RB1: variants seen among roughly 807,000 people sequenced by gnomAD.
The protein encoded by RB1 is RB transcriptional corepressor 1.
In RB1, 18 loss-of-function variants were observed where a neutral mutation model predicts 135.4. The observed-to-expected ratio is 0.13, with a 90% CI of 0.09 to 0.20. The LOEUF (loss-of-function observed/expected upper bound fraction) is 0.20. Among genes scored for constraint, RB1 ranks in the 10% least tolerant of loss-of-function variants. The pLI, the probability that RB1 is intolerant of heterozygous loss-of-function variation, is 1.00. For synonymous variants in RB1, 365 were observed against 373.2 expected, an observed-to-expected ratio of 0.98 and a Z score of 0.25; for missense variants, 868 against 1,110.0, an observed-to-expected ratio of 0.78 and a Z score of 3.10.
chr13:48,375,550 A>G (rs1593453094), intron 12 of RB1, among the ~76,000 whole-genome samples: 2 of 150,500 alleles, frequency 1.3e-5, no homozygotes, highest in East Asian at 3.9e-4. Flanking sequence ...TGCACATTAC[A>G]ATGAAAATTA....
intron 11 of RB1, among the ~76,000 whole-genome samples, chr13:48,371,680 G>C (rs1009950288): frequency 2.0e-5 from 3 of 152,074 alleles, no homozygotes; most frequent in Non-Finnish European, 4.4e-5. Context: ...AAAAAAAAAT[G>C]AGATTGCTTG....
intron 11 of RB1, among the ~76,000 whole-genome samples, chr13:48,372,131 TG>T (rs987992936): frequency 8.6e-5 from 13 of 151,990 alleles, no homozygotes; most frequent in African/African-American, 3.1e-4. Context: ...TTCTAGAGAA[TG>T]GGAAAGTATG....
chr13:48,347,764 A>G, intron 4 of RB1, 61 bp from the exon 5 acceptor site: 1 of 1,161,742 alleles, frequency 8.6e-7, no homozygotes, highest in Non-Finnish European at 1.3e-6. Flanking sequence ...AGCATGAGAA[A>G]ACTACTATGA....
chr13:48,335,960 A>G (rs1489081073), intron 2 of RB1, among the ~76,000 whole-genome samples: 1 of 151,786 alleles, frequency 6.6e-6, no homozygotes, highest in African/African-American at 2.4e-5. Flanking sequence ...GAGTTGAGAA[A>G]CCCCATGAAA....
At chr13:48,474,049 T>C (rs1407142884) in intron 24 of RB1, among the ~76,000 whole-genome samples, 2 of 152,114 alleles carry the variant, frequency 1.3e-5, no homozygotes, top group Non-Finnish European at 2.9e-5. Flanking sequence ...TGAAGAAATA[T>C]TATATAGGGT....
intron 6 of RB1, among the ~76,000 whole-genome samples, chr13:48,352,108 G>A (rs1275627652): frequency 6.6e-6 from 1 of 152,114 alleles, no homozygotes; most frequent in African/African-American, 2.4e-5. Flanking sequence ...CCCATTGCTT[G>A]CTTTTGTCAG....
intron 13 of RB1, 32 bp downstream of exon 13, chr13:48,377,066 A>G (rs767275782): frequency 1.9e-6 from 3 of 1,583,054 alleles, no homozygotes; most frequent in African/African-American, 1.3e-5. Context: ...TCGTGGTACT[A>G]TAGAGTAATA....
intron 17 of RB1, among the ~76,000 whole-genome samples, chr13:48,445,615 C>T (rs73495018): frequency 0.018 from 2,754 of 152,252 alleles, 73 homozygotes; most frequent in African/African-American, 0.059. Context: ...GTTACCTTCC[C>T]AGATCAGCCT....
rs73495021 is a variant in RB1, at chr13:48,448,395, C to T, written c.1696-4598C>T. On this transcript the variant is annotated intron_variant, in intron 17 of 26. Transcript: ENST00000267163. ...ATAAAATCCAGCTCCTGTAGGACAC[C>T]TTTTCTTCTGATGCCTCCATAGGAG... is the stretch of plus-strand genomic sequence containing the variant. Among the ~76,000 whole-genome samples, 681 of 152,268 alleles carry T rather than the reference C, an allele frequency of 4.5e-3. 3 individuals carry two copies. Among genetic ancestry groups the T allele is most frequent in the African/African-American group, 0.016 (645 of 41,540 alleles).
At chr13:48,408,715 G>C (rs1948761717) in intron 17 of RB1, 1 of 152,092 alleles carries the variant, frequency 6.6e-6, no homozygotes, top group South Asian at 2.1e-4. Context: ...TTTGTTATCT[G>C]TTATGTATTG....
intron 17 of RB1, among the ~76,000 whole-genome samples, chr13:48,382,574 T>A (rs1233446826): frequency 5.3e-5 from 8 of 152,154 alleles, no homozygotes; most frequent in African/African-American, 1.2e-4. Flanking sequence ...GTTTGAGTTC[T>A]TTGTAGATTC....
intron 6 of RB1, 92 bp downstream of exon 6, chr13:48,349,115 T>C: frequency 7.6e-7 from 1 of 1,317,304 alleles, no homozygotes; most frequent in Non-Finnish European, 1.0e-6. Flanking sequence ...TTTTATTGAG[T>C]AATGTACTCC....
chr13:48,381,094 A>G (rs1007487112), intron 16 of RB1, among the ~76,000 whole-genome samples, 153 bp from the exon 17 acceptor site: 1 of 152,348 alleles, frequency 6.6e-6, no homozygotes, highest in Non-Finnish European at 1.5e-5. Flanking sequence ...GCTATTTCCT[A>G]TGAGTCCGTA....
intron 6 of RB1, among the ~76,000 whole-genome samples, chr13:48,351,292 G>A (rs1952545132): frequency 6.6e-6 from 1 of 152,076 alleles, no homozygotes; most frequent in Non-Finnish European, 1.5e-5. Flanking sequence ...GGTGTGAGAT[G>A]ATATCTCATT....
At chr13:48,340,770 A>G (rs1417057681) in intron 2 of RB1, 3 of 161,106 alleles carry the variant, frequency 1.9e-5, no homozygotes, top group Middle Eastern at 2.8e-3. Context: ...GAAATTGACC[A>G]TATTAACATA....
At chr13:48,352,014 G>A (rs1275971729) in intron 6 of RB1, among the ~76,000 whole-genome samples, 6 of 152,158 alleles carry the variant, frequency 3.9e-5, no homozygotes, top group Middle Eastern at 3.4e-3. Context: ...TTTGTATATG[G>A]TGTAAGGAAT....
chr13:48,438,287 T>C (rs1593517046), intron 17 of RB1, among the ~76,000 whole-genome samples: 1 of 152,180 alleles, frequency 6.6e-6, no homozygotes, highest in East Asian at 1.9e-4. Flanking sequence ...TAAGCATTAT[T>C]TTTCTTATCT....
At chr13:48,424,601 A>G in intron 17 of RB1, among the ~76,000 whole-genome samples, 1 of 47,158 alleles carries the variant, frequency 2.1e-5, no homozygotes, top group East Asian at 8.0e-4. Flanking sequence ...CTTCTTCCTT[A>G]TCTTTTTTTC....
chr13:48,367,448 G>A lies in RB1; in HGVS notation c.940-46G>A, dbSNP rs570172457. On this transcript the variant is annotated intron_variant, in intron 9 of 26. Transcript: ENST00000267163. ...TCTGTGCCTCTGTGTGCTGAGAGATGTAATGACATGTAAAGGATAATTGTC... is the reference window on the plus strand; with the variant it reads ...TCTGTGCCTCTGTGTGCTGAGAGATATAATGACATGTAAAGGATAATTGTC... 23 of 1,580,006 alleles carry A rather than the reference G, an allele frequency of 1.5e-5. No individual in the cohort carries two copies. In the African/African-American group the frequency reaches 2.7e-4, roughly 18 times the overall value.
Sources: allele counts gnomAD v4.1 joint callset (sites outside exome capture counted in the v4.1 genomes callset), GRCh38; gene constraint gnomAD v4.1.1; transcripts MANE v1.5; gene names NCBI Gene and HGNC (gene_info 2026-07-23, HGNC 2026-07-21).